The following ME3 variants were observed in gnomAD, a reference collection of about 807,000 sequenced individuals.
ME3 encodes malic enzyme 3.
In ME3, 48 loss-of-function variants were observed where a neutral mutation model predicts 68.9. The ratio of observed to expected loss-of-function variants is 0.70; its 90% CI spans 0.55 to 0.89. ME3 has a LOEUF of 0.89. Among genes scored for constraint, ME3 ranks in the 40% least tolerant of loss-of-function variants. ME3 has a pLI of 0.00. For missense variants in ME3, 675 were observed against 797.4 expected, an observed-to-expected ratio of 0.85 and a Z score of 1.85; for synonymous variants, 320 against 318.8, an observed-to-expected ratio of 1.00 and a Z score of -0.04.
At chr11:86,498,955 A>G (rs1952543246) in intron 5 of ME3, among the ~76,000 whole-genome samples, 1 of 152,234 alleles carries the variant, frequency 6.6e-6, no homozygotes. Flanking sequence ...CAGCCCTTAA[A>G]GGATTAATGG....
At chr11:86,519,027 A>C (rs545326108) in intron 4 of ME3, among the ~76,000 whole-genome samples, 1 of 152,318 alleles carries the variant, frequency 6.6e-6, no homozygotes, top group East Asian at 1.9e-4. Context: ...TCTTGCTGTT[A>C]GAACTATGAG....
chr11:86,604,857 G>T (rs1362797331), intron 2 of ME3, among the ~76,000 whole-genome samples: 1 of 152,096 alleles, frequency 6.6e-6, no homozygotes, highest in Non-Finnish European at 1.5e-5. Context: ...TATCTTATAT[G>T]TTTTAATTTA....
chr11:86,485,631 T>C (rs901520649), intron 7 of ME3, among the ~76,000 whole-genome samples: 2 of 152,166 alleles, frequency 1.3e-5, no homozygotes, highest in African/African-American at 4.8e-5. Context: ...TTACTATCCA[T>C]TGATCACCCT....
At chr11:86,639,593 A>G (rs1044501485) in intron 2 of ME3, among the ~76,000 whole-genome samples, 6 of 152,168 alleles carry the variant, frequency 3.9e-5, no homozygotes, top group Admixed American at 2.6e-4. Context: ...TGAGCTTTCT[A>G]TTGGGTCTGG....
chr11:86,534,081 G>GTATATATATATATATATA (rs57566563), intron 4 of ME3, among the ~76,000 whole-genome samples: 4 of 127,502 alleles, frequency 3.1e-5, no homozygotes, highest in African/African-American at 1.3e-4. Flanking sequence ...GTGTGTGTGT[G>GTATATATATATATATATA]TATATATATA....
chr11:86,531,028 C>T (rs1955187134), intron 4 of ME3, among the ~76,000 whole-genome samples: 2 of 152,092 alleles, frequency 1.3e-5, no homozygotes, highest in African/African-American at 4.8e-5. Flanking sequence ...AGCTTCTGCA[C>T]AGCAAAAGAA....
chr11:86,669,180 C>G (rs1186889074), intron 2 of ME3, among the ~76,000 whole-genome samples: 1 of 152,216 alleles, frequency 6.6e-6, no homozygotes, highest in Non-Finnish European at 1.5e-5. Flanking sequence ...GAAGCACTCC[C>G]TCTGTTGCTC....
At chr11:86,597,480 G>A (rs1335715856) in intron 2 of ME3, among the ~76,000 whole-genome samples, 1 of 152,188 alleles carries the variant, frequency 6.6e-6, no homozygotes, top group African/African-American at 2.4e-5. Context: ...TGTTGGAAAG[G>A]GAAGGAGAAA....
chr11:86,441,000 A>C (rs940314318), downstream of ME3: 8 of 261,066 alleles, frequency 3.1e-5, no homozygotes, highest in Non-Finnish European at 5.8e-5. Context: ...ATTCTAGATG[A>C]GATTCTGCAT....
chr11:86,467,840 C>A (rs1950571901), intron 7 of ME3, among the ~76,000 whole-genome samples: 1 of 152,122 alleles, frequency 6.6e-6, no homozygotes, highest in African/African-American at 2.4e-5. Context: ...ACCCCCCTCC[C>A]TCCCATGGAG....
chr11:86,649,473 G>A (rs1945253008), intron 2 of ME3, among the ~76,000 whole-genome samples: 1 of 152,180 alleles, frequency 6.6e-6, no homozygotes, highest in Non-Finnish European at 1.5e-5. Context: ...GGGCAATCTG[G>A]CATGAGAAAG....
intron 2 of ME3, among the ~76,000 whole-genome samples, chr11:86,613,508 A>G (rs1031272180): frequency 6.6e-6 from 1 of 152,180 alleles, no homozygotes; most frequent in South Asian, 2.1e-4. Flanking sequence ...ATATTCAAAT[A>G]AGAAGAGAGG....
intron 4 of ME3, among the ~76,000 whole-genome samples, chr11:86,545,464 G>C (rs1174750249): frequency 6.6e-6 from 1 of 152,168 alleles, no homozygotes; most frequent in African/African-American, 2.4e-5. Context: ...AGCAACTTCA[G>C]CAAAGTCTCA....
intron 7 of ME3, among the ~76,000 whole-genome samples, chr11:86,469,753 G>T (rs1950682778): frequency 6.6e-6 from 1 of 152,160 alleles, no homozygotes; most frequent in Non-Finnish European, 1.5e-5. Flanking sequence ...CAACCCTGGG[G>T]ACTCAGCTGG....
At chr11:86,659,531 T>G (rs1415233472) in intron 2 of ME3, among the ~76,000 whole-genome samples, 1 of 152,216 alleles carries the variant, frequency 6.6e-6, no homozygotes, top group African/African-American at 2.4e-5. Context: ...ATGACCTCTT[T>G]GTCTTCTGGG....
chr11:86,464,649 G>C (rs934058906), intron 8 of ME3, among the ~76,000 whole-genome samples: 12 of 152,184 alleles, frequency 7.9e-5, no homozygotes, highest in Middle Eastern at 3.2e-3. Context: ...TATGGTGATT[G>C]GTGCTTCGGT....
intron 2 of ME3, among the ~76,000 whole-genome samples, chr11:86,638,723 T>C (rs1944492931): frequency 6.6e-6 from 1 of 152,192 alleles, no homozygotes. Context: ...AAAACAACCT[T>C]AGGAGGTTAG....
At chr11:86,435,633 A>G in the ME3 span, 1 of 152,254 alleles carries the variant, frequency 6.6e-6, no homozygotes, top group Non-Finnish European at 1.5e-5. Context: ...TGGGTTCCTC[A>G]GGAAATAGAC....
At chr11:86,571,850 G>T (rs1200990973) in intron 2 of ME3, among the ~76,000 whole-genome samples, 1 of 152,222 alleles carries the variant, frequency 6.6e-6, no homozygotes, top group Admixed American at 6.5e-5. Flanking sequence ...AGGGCCTGTG[G>T]CCACACCTGG....
Sources: allele counts gnomAD v4.1 joint callset (sites outside exome capture counted in the v4.1 genomes callset), GRCh38; gene constraint gnomAD v4.1.1; transcripts MANE v1.5; gene names NCBI Gene and HGNC (gene_info 2026-07-23, HGNC 2026-07-21).